ATP9B: variants seen among roughly 807,000 people sequenced by gnomAD.
The protein encoded by ATP9B is ATPase phospholipid transporting 9B.
A neutral mutation model predicts 146.1 loss-of-function variants in ATP9B; 110 were observed. The ratio of observed to expected loss-of-function variants is 0.75; its 90% CI spans 0.65 to 0.88. ATP9B has a LOEUF of 0.88. ATP9B is among the 40% of genes least tolerant of loss of function. The probability of loss-of-function intolerance (pLI) is 0.00; values close to 1 mark genes in which losing one functional copy is unlikely to be tolerated. For synonymous variants in ATP9B, 604 were observed against 569.7 expected (o/e 1.06, Z -0.86); for missense variants, 1,499 against 1,496.4 (o/e 1.00, Z -0.03).
At chr18:79,297,174 A>G (rs1450609162) in intron 13 of ATP9B, among the ~76,000 whole-genome samples, 2 of 150,064 alleles carry the variant, frequency 1.3e-5, no homozygotes, top group East Asian at 3.9e-4. Flanking sequence ...CAGAGAGGAC[A>G]AAGAGAGATG....
intron 28 of ATP9B, 121 bp from the exon 29 acceptor site, chr18:79,375,273 C>A (rs967949093): frequency 2.3e-6 from 2 of 854,054 alleles, no homozygotes; most frequent in South Asian, 1.6e-5. Flanking sequence ...ATTGAAAACG[C>A]AGCTTGCACT....
intron 8 of ATP9B, among the ~76,000 whole-genome samples, chr18:79,187,531 A>G (rs535827407): frequency 1.3e-5 from 2 of 152,204 alleles, no homozygotes; most frequent in Non-Finnish European, 2.9e-5. Flanking sequence ...CTACACATCT[A>G]CAGCTCCGAA....
In ATP9B at chr18:79,375,427, G is replaced by A; in HGVS notation, c.3307+1G>A. 6.2e-7 allele frequency: 1 copy of A among 1,612,386 alleles called. No individual in the cohort carries two copies. On this transcript the variant is annotated splice_donor_variant, in intron 29 of 29. Transcript: ENST00000426216. LOFTEE classifies it high-confidence loss of function. Reference sequence around the variant, plus strand: ...AGAGTGTCTTTTGGAGCTTTCTTAGGTAGGTAAAGTTATCATTTCTTTCAA... The same window carrying A: ...AGAGTGTCTTTTGGAGCTTTCTTAGATAGGTAAAGTTATCATTTCTTTCAA...
chr18:79,087,210 A>G (rs1420425344), intron 1 of ATP9B: 2 of 152,236 alleles, frequency 1.3e-5, no homozygotes, highest in Non-Finnish European at 2.9e-5. Flanking sequence ...TCTCTTTATG[A>G]TGGCATTAAT....
At position 79,078,825 on chromosome 18, in the gene ATP9B, C is replaced by T. The variant is rs142005081; in HGVS notation, c.119+9296C>T. Among the ~76,000 whole-genome samples the T allele has an allele frequency of 5.0e-3, 768 of 152,224 alleles. 5 individuals carry two copies. The highest frequency in any genetic ancestry group is 0.025 in the South Asian group (119 of 4,826). Reference sequence around the variant, plus strand: ...ATCCTTCACCTAGCCCCCCACACCCCGACAGGCCCCGGTGTGTGTTGTTCC... The same window carrying T: ...ATCCTTCACCTAGCCCCCCACACCCTGACAGGCCCCGGTGTGTGTTGTTCC... On this transcript the variant is annotated intron_variant, in intron 1 of 29. Coordinates refer to ENST00000426216, the MANE Select transcript of ATP9B (RefSeq NM_198531.5).
At chr18:79,250,372 TG>T (rs1474472113) in intron 11 of ATP9B, among the ~76,000 whole-genome samples, 5 of 152,214 alleles carry the variant, frequency 3.3e-5, no homozygotes, top group Admixed American at 2.6e-4. Flanking sequence ...CACTTTTTAA[TG>T]GGATTTGGAT....
At chr18:79,327,340 C>T (rs73490238) in intron 15 of ATP9B, among the ~76,000 whole-genome samples, 109 of 152,294 alleles carry the variant, frequency 7.2e-4, no homozygotes, top group African/African-American at 2.5e-3. Context: ...CTGTGGGTGG[C>T]GGCAGGCCTG....
intron 15 of ATP9B, among the ~76,000 whole-genome samples, chr18:79,317,339 T>C (rs1162535596): frequency 2.0e-5 from 3 of 152,108 alleles, no homozygotes; most frequent in African/African-American, 7.2e-5. Context: ...TCAACATAAA[T>C]TTGAAAAAAG....
intron 9 of ATP9B, among the ~76,000 whole-genome samples, chr18:79,199,011 G>C (rs1271846934): frequency 6.6e-6 from 1 of 152,034 alleles, no homozygotes; most frequent in Non-Finnish European, 1.5e-5. Flanking sequence ...GAGTGCAGTG[G>C]CGCAATCTCA....
intron 2 of ATP9B, among the ~76,000 whole-genome samples, chr18:79,097,671 C>T (rs1169275490): frequency 6.8e-6 from 1 of 147,844 alleles, no homozygotes; most frequent in Middle Eastern, 3.2e-3. Context: ...ATGATGGTTT[C>T]GAATTTCATC....
At chr18:79,200,788 T>TGGGAACGTTGG (rs370231088) in intron 9 of ATP9B, among the ~76,000 whole-genome samples, 5 of 35,452 alleles carry the variant, frequency 1.4e-4, no homozygotes, top group African/African-American at 2.4e-4. Flanking sequence ...GAAGTAGTGG[T>TGGGAACGTTGG]GGAATTGTTT....
intron 12 of ATP9B, among the ~76,000 whole-genome samples, chr18:79,269,263 C>T (rs1032994041): frequency 1.3e-5 from 2 of 152,186 alleles, no homozygotes; most frequent in East Asian, 1.9e-4. Context: ...CCTTTGTTTC[C>T]GCTGCTCTCG....
rs1211964383 is a variant in ATP9B at position 79,274,683 on chromosome 18, CAG to C, written c.1269-2370_1269-2369del. 4.6e-5 allele frequency among the ~76,000 whole-genome samples: 7 copies of C among 152,158 alleles called. 1 individual carries two copies. Among genetic ancestry groups the C allele is most frequent in the Admixed American group, 4.6e-4 (7 of 15,266 alleles). On this transcript the variant is annotated intron_variant, in intron 12 of 29. Coordinates refer to ENST00000426216, the MANE Select transcript of ATP9B (RefSeq NM_198531.5). ...TAATTGAAGTCAGGTGTAGTTTACT[CAG>C]TGATCTTTCGCTAGTAAGCTGTAAA...
At chr18:79,122,670 G>C (rs1188847444) in intron 4 of ATP9B, among the ~76,000 whole-genome samples, 1 of 152,112 alleles carries the variant, frequency 6.6e-6, no homozygotes, top group Non-Finnish European at 1.5e-5. Flanking sequence ...TAAGGCTTTT[G>C]ACAGCACCAA....
chr18:79,072,444 G>A (rs1204468273), intron 1 of ATP9B, among the ~76,000 whole-genome samples: 1 of 152,188 alleles, frequency 6.6e-6, no homozygotes, highest in Non-Finnish European at 1.5e-5. Context: ...CACAGCACAT[G>A]TTTCAGAGAG....
chr18:79,092,261 G>A (rs1298029047), intron 1 of ATP9B, among the ~76,000 whole-genome samples: 1 of 152,180 alleles, frequency 6.6e-6, no homozygotes, highest in Admixed American at 6.5e-5. Flanking sequence ...AGATGATAGT[G>A]ACTACTGCAC....
In ATP9B at chr18:79,277,066, C is replaced by T. The variant is rs143740420; in HGVS notation, c.1281C>T (p.Asn427=). The part of the protein sequence containing the change: ...SYIIPISLRV[N]LDMGKAVYGW... Reference sequence around the variant, plus strand: ...TTTTATTTGGCAGTTTGCGTGTGAACTTGGACATGGGCAAAGCGGTGTATG... The same window carrying T: ...TTTTATTTGGCAGTTTGCGTGTGAATTTGGACATGGGCAAAGCGGTGTATG... The change falls in exon 13 of 30, where the codon AAC becomes AAT. Residue 427 remains asparagine, a synonymous_variant. Coordinates refer to ENST00000426216, the MANE Select transcript of ATP9B (RefSeq NM_198531.5). The T allele has an allele frequency of 4.3e-6, 7 of 1,614,028 alleles. No individual in the cohort carries two copies. In the African/African-American group the frequency reaches 6.7e-5, roughly 15 times the overall value.
At chr18:79,212,040 T>C (rs910802574) in intron 10 of ATP9B, among the ~76,000 whole-genome samples, 2 of 152,230 alleles carry the variant, frequency 1.3e-5, no homozygotes, top group African/African-American at 4.8e-5. Flanking sequence ...CATTTCGCAA[T>C]CCACAGTTAA....
At chr18:79,095,308 TC>T (rs1317667839) in intron 1 of ATP9B, among the ~76,000 whole-genome samples, 6 of 152,004 alleles carry the variant, frequency 3.9e-5, no homozygotes, top group Non-Finnish European at 8.8e-5. Flanking sequence ...CTCCTGTAGG[TC>T]CCCCAGTAAC....
Sources: gnomAD v4.1 joint callset for allele counts (sites outside exome capture counted in the v4.1 genomes callset) on GRCh38, gnomAD v4.1.1 for gene constraint, MANE v1.5 for transcripts, NCBI Gene and HGNC (gene_info 2026-07-23, HGNC 2026-07-21) for gene names.